NTRK3: variants seen among roughly 807,000 people sequenced by gnomAD.
The protein encoded by NTRK3 is neurotrophic receptor tyrosine kinase 3.
NTRK3 carries 24 observed loss-of-function variants against 91.7 expected under a neutral mutation model. The observed-to-expected ratio is 0.26, with a 90% CI of 0.19 to 0.37. The LOEUF (loss-of-function observed/expected upper bound fraction) is 0.37. Ranked by LOEUF, NTRK3 falls within the 10% of genes least tolerant of loss-of-function variation. NTRK3 has a pLI of 1.00. For missense variants in NTRK3, 880 were observed against 1,068.9 expected (o/e 0.82, Z 2.46); for synonymous variants, 483 against 404.0 (o/e 1.20, Z -2.34).
intron 3 of NTRK3, among the ~76,000 whole-genome samples, chr15:88,205,635 G>C (rs758164768): frequency 9.9e-5 from 15 of 152,280 alleles, no homozygotes; most frequent in Admixed American, 2.0e-4. Flanking sequence ...TTCTGAACAA[G>C]GGCTATCCTA....
At chr15:88,142,741 C>G (rs2042508270) in intron 6 of NTRK3, among the ~76,000 whole-genome samples, 1 of 152,218 alleles carries the variant, frequency 6.6e-6, no homozygotes, top group Non-Finnish European at 1.5e-5. Context: ...TGTATCATTT[C>G]AAGTGAATAC....
At chr15:87,976,259 A>T (rs1459260797) in intron 14 of NTRK3, among the ~76,000 whole-genome samples, 1 of 152,126 alleles carries the variant, frequency 6.6e-6, no homozygotes, top group African/African-American at 2.4e-5. Context: ...CCCCTCACCC[A>T]GGCCACTCTA....
exon 19 of NTRK3, chr15:87,860,418 A>G: frequency 4.5e-6 from 1 of 220,250 alleles, no homozygotes. Context: ...TTTTCAACAT[A>G]TCCCTTAATA....
At chr15:88,112,324 A>T (rs1295718340) in intron 13 of NTRK3, among the ~76,000 whole-genome samples, 1 of 152,244 alleles carries the variant, frequency 6.6e-6, no homozygotes, top group African/African-American at 2.4e-5. Flanking sequence ...AATGTAAAAC[A>T]CTAGTATCTT....
intron 13 of NTRK3, among the ~76,000 whole-genome samples, chr15:88,061,148 C>T (rs2046177106): frequency 6.6e-6 from 1 of 151,944 alleles, no homozygotes. Flanking sequence ...AACTTGTTTG[C>T]CAAGAAAGTC....
chr15:88,102,652 T>TTATTAAATTAATTAATTAAATTAATTAAA (rs2050294441), intron 13 of NTRK3, among the ~76,000 whole-genome samples: 3 of 152,268 alleles, frequency 2.0e-5, no homozygotes, highest in Non-Finnish European at 4.4e-5. Context: ...ATATCCATGA[T>TTATTAAATTAATTAATTAAATTAATTAAA]AATTAAAAAA....
chr15:87,960,325 C>T (rs1042124798), intron 14 of NTRK3, among the ~76,000 whole-genome samples: 8 of 152,110 alleles, frequency 5.3e-5, no homozygotes, highest in Non-Finnish European at 1.0e-4. Context: ...GAATTAATAA[C>T]TCTTCTCTTT....
At chr15:88,028,359 AAG>A (rs1377785563) in intron 14 of NTRK3, among the ~76,000 whole-genome samples, 1 of 152,174 alleles carries the variant, frequency 6.6e-6, no homozygotes, top group Non-Finnish European at 1.5e-5. Flanking sequence ...AAATAGACAA[AAG>A]GGGAAAAATC....
chr15:88,173,580 G>C (rs2045724213), intron 5 of NTRK3, among the ~76,000 whole-genome samples: 1 of 152,240 alleles, frequency 6.6e-6, no homozygotes, highest in Non-Finnish European at 1.5e-5. Flanking sequence ...AGTAGGCTAA[G>C]GGGCATTGCC....
chr15:88,001,036 G>T (rs946162375), intron 14 of NTRK3, among the ~76,000 whole-genome samples: 1 of 151,874 alleles, frequency 6.6e-6, no homozygotes, highest in African/African-American at 2.4e-5. Flanking sequence ...ATTTTTTATT[G>T]TAACCATTCC....
chr15:87,952,192 AGAAAG>A (rs1337577815), intron 14 of NTRK3, among the ~76,000 whole-genome samples: 1 of 151,550 alleles, frequency 6.6e-6, no homozygotes, highest in African/African-American at 2.4e-5. Context: ...GAAAGAAAGA[AGAAAG>A]GAAAGAAAGA....
At chr15:88,141,606 T>G (rs2042393353) in intron 6 of NTRK3, among the ~76,000 whole-genome samples, 1 of 152,218 alleles carries the variant, frequency 6.6e-6, no homozygotes, top group Non-Finnish European at 1.5e-5. Flanking sequence ...AAAATACAAA[T>G]TATCCACCTG....
At chr15:87,875,020 T>C (rs1465616900) in exon 19 of NTRK3, 1 of 231,142 alleles carries the variant, frequency 4.3e-6, no homozygotes, top group Non-Finnish European at 8.6e-6. Context: ...CACAGCTCTT[T>C]ACTATTCAAA....
exon 16 of NTRK3, chr15:87,933,079 C>T (rs760692815): frequency 3.3e-5 from 53 of 1,613,948 alleles, no homozygotes; most frequent in African/African-American, 1.1e-4. Flanking sequence ...TCCCCATCGC[C>T]GCACACTCCA....
chr15:88,047,821 G>C (rs991276977), intron 13 of NTRK3, among the ~76,000 whole-genome samples: 1 of 152,148 alleles, frequency 6.6e-6, no homozygotes, highest in African/African-American at 2.4e-5. Context: ...ATGAAAAATG[G>C]TGTAGTAAGC....
exon 19 of NTRK3, chr15:87,869,878 C>A (rs1458490329): frequency 5.2e-6 from 1 of 191,462 alleles, no homozygotes. Context: ...TAACATATTA[C>A]AAAATTAGTT....
At chr15:88,114,933 A>G (rs2051868765) in intron 13 of NTRK3, among the ~76,000 whole-genome samples, 1 of 152,198 alleles carries the variant, frequency 6.6e-6, no homozygotes, top group East Asian at 1.9e-4. Context: ...TTAACTAGTC[A>G]TTTATTGTTA....
chr15:87,978,175 AC>A (rs1454756674), intron 14 of NTRK3: 8 of 229,354 alleles, frequency 3.5e-5, no homozygotes, highest in Non-Finnish European at 6.0e-5. Flanking sequence ...AGGGAAAGTC[AC>A]CCCCTTCCCT....
chr15:87,866,357 A>G lies in NTRK3; in HGVS notation c.*10578T>C, dbSNP rs542382947. 4 of 180,592 alleles carry G rather than the reference A, an allele frequency of 2.2e-5. No individual in the cohort carries two copies. The East Asian group carries it at 3.7e-4, about 17-fold the overall frequency. The allele number at this position is 180,592 out of a possible 1,614,324, so 11.2% of individuals were successfully genotyped here. A position where few individuals can be genotyped will look rare whatever the true frequency, so the allele number is the denominator to read the frequency against. ...TTATAAATCTCATTGAATATATTAG[A>G]AGGAATCAAGAAAAGAAACAATATG... On this transcript the variant is annotated 3_prime_UTR_variant, in exon 19 of 19. Coordinates refer to ENST00000394480, the Ensembl canonical transcript of NTRK3.
Sources: gnomAD v4.1 joint callset for allele counts (sites outside exome capture counted in the v4.1 genomes callset) on GRCh38, gnomAD v4.1.1 for gene constraint, MANE v1.5 for transcripts, NCBI Gene and HGNC (gene_info 2026-07-23, HGNC 2026-07-21) for gene names.